The following AGMO variants were observed in gnomAD, a reference collection of about 807,000 sequenced individuals.
The protein encoded by AGMO is alkylglycerol monooxygenase, also known as glyceryl-ether monooxygenase.
A neutral mutation model predicts 60.2 loss-of-function variants in AGMO; 75 were observed. The ratio of observed to expected loss-of-function variants is 1.25; its 90% confidence interval spans 1.03 to 1.51. The LOEUF is 1.51. Ranked by LOEUF, AGMO falls within the 40% of genes most tolerant of loss-of-function variation. AGMO has a pLI of 0.00. For missense variants in AGMO, 763 were observed against 525.5 expected (o/e 1.45, Z -4.42); for synonymous variants, 261 against 177.1 (o/e 1.47, Z -3.76).
intron 3 of AGMO, among the ~76,000 whole-genome samples, chr7:15,467,511 CA>C (rs553388884): frequency 7.2e-5 from 11 of 152,218 alleles, no homozygotes; most frequent in African/African-American, 2.2e-4. Context: ...TTCCACAAAA[CA>C]AAATCAAAAG....
intron 3 of AGMO, among the ~76,000 whole-genome samples, chr7:15,433,533 G>C (rs1040065432): frequency 1.3e-5 from 2 of 152,046 alleles, no homozygotes; most frequent in Non-Finnish European, 2.9e-5. Context: ...GCATTTTATG[G>C]AAAGTTATTC....
chr7:15,336,778 A>G (rs1349873511), intron 12 of AGMO, among the ~76,000 whole-genome samples: 1 of 151,766 alleles, frequency 6.6e-6, no homozygotes, highest in African/African-American at 2.4e-5. Context: ...TAATAATTAC[A>G]TGATTTAAAA....
chr7:15,134,502 G>T, the AGMO span, among the ~76,000 whole-genome samples: 1 of 152,032 alleles, frequency 6.6e-6, no homozygotes, highest in African/African-American at 2.4e-5. Flanking sequence ...CCTTCCTTTT[G>T]CCCATGTGCA....
chr7:15,203,860 C>T (rs1464594175), intron 12 of AGMO, among the ~76,000 whole-genome samples: 5 of 152,100 alleles, frequency 3.3e-5, no homozygotes, highest in Non-Finnish European at 7.4e-5. Flanking sequence ...AGAATATGAA[C>T]ATCCATAGTG....
At chr7:15,383,420 A>G (rs553818893) in intron 10 of AGMO, among the ~76,000 whole-genome samples, 3 of 152,132 alleles carry the variant, frequency 2.0e-5, no homozygotes, top group Non-Finnish European at 4.4e-5. Flanking sequence ...TATACAATAA[A>G]AAAACAATAA....
chr7:15,404,832 C>T (rs572702352), intron 5 of AGMO, among the ~76,000 whole-genome samples: 5 of 151,982 alleles, frequency 3.3e-5, no homozygotes, highest in East Asian at 1.9e-4. Flanking sequence ...ATGTGCCTGA[C>T]ATCATCTGAG....
chr7:15,470,155 G>A (rs952479373), intron 3 of AGMO, among the ~76,000 whole-genome samples: 4 of 151,974 alleles, frequency 2.6e-5, no homozygotes, highest in African/African-American at 7.2e-5. Context: ...ATTCAAGAAA[G>A]ATAGCATAGC....
chr7:15,436,113 G>C (rs905042285), intron 3 of AGMO, among the ~76,000 whole-genome samples: 1 of 152,120 alleles, frequency 6.6e-6, no homozygotes, highest in Non-Finnish European at 1.5e-5. Flanking sequence ...TTGCAAAATG[G>C]TAGTGATGCT....
At chr7:15,531,563 C>A (rs10229268) in intron 3 of AGMO, among the ~76,000 whole-genome samples, 1,252 of 17,674 alleles carry the variant, frequency 0.071, 291 homozygotes, top group Non-Finnish European at 0.11. Flanking sequence ...TATATATTCT[C>A]TATATATTCC....
At chr7:15,262,249 A>G (rs1169012124) in intron 12 of AGMO, among the ~76,000 whole-genome samples, 1 of 152,116 alleles carries the variant, frequency 6.6e-6, no homozygotes, top group Non-Finnish European at 1.5e-5. Context: ...TCATCCAAAA[A>G]GCTCCTAGAA....
chr7:15,288,682 A>T (rs927047827), intron 12 of AGMO, among the ~76,000 whole-genome samples: 2 of 151,910 alleles, frequency 1.3e-5, no homozygotes, highest in Non-Finnish European at 2.9e-5. Flanking sequence ...TTTTCAGTTT[A>T]ATTTTAATCA....
the AGMO span, among the ~76,000 whole-genome samples, chr7:15,176,086 T>G: frequency 1.3e-5 from 2 of 152,048 alleles, no homozygotes; most frequent in Non-Finnish European, 2.9e-5. Context: ...TTTTTAAAAT[T>G]GCTATCATTA....
chr7:15,503,010 C>A (rs1321753315), intron 3 of AGMO, among the ~76,000 whole-genome samples: 1 of 152,028 alleles, frequency 6.6e-6, no homozygotes, highest in Non-Finnish European at 1.5e-5. Flanking sequence ...CTCAAGGCCA[C>A]CATTACTGGT....
At chr7:15,126,550 A>G in the AGMO span, among the ~76,000 whole-genome samples, 1 of 152,086 alleles carries the variant, frequency 6.6e-6, no homozygotes, top group Admixed American at 6.6e-5. Context: ...TGATTTTTTT[A>G]TAATCTTGCC....
chr7:15,561,437 C>T (rs542875298), intron 1 of AGMO, among the ~76,000 whole-genome samples: 1 of 152,296 alleles, frequency 6.6e-6, no homozygotes, highest in East Asian at 1.9e-4. Flanking sequence ...CCAATAGCTA[C>T]ATTTACAATG....
chr7:15,328,597 T>C (rs1465665997), intron 12 of AGMO, among the ~76,000 whole-genome samples: 1 of 152,188 alleles, frequency 6.6e-6, no homozygotes, highest in African/African-American at 2.4e-5. Context: ...TATTTTGCTA[T>C]GCCTCATGCC....
the AGMO span, among the ~76,000 whole-genome samples, chr7:15,131,157 C>T: frequency 3.4e-3 from 515 of 152,156 alleles, 1 homozygote; most frequent in South Asian, 0.013. Context: ...ATAGGAGTCT[C>T]GGTTTAAACA....
At chr7:15,267,829 G>A (rs907979436) in intron 12 of AGMO, among the ~76,000 whole-genome samples, 7 of 151,846 alleles carry the variant, frequency 4.6e-5, no homozygotes, top group African/African-American at 1.7e-4. Context: ...CTAAAGCAGA[G>A]TATTTCAAGA....
downstream of AGMO, among the ~76,000 whole-genome samples, chr7:15,195,412 A>G (rs2115456547): frequency 6.6e-6 from 1 of 152,320 alleles, no homozygotes; most frequent in African/African-American, 2.4e-5. Flanking sequence ...TTGAGGAGGT[A>G]GTGCCTGATT....
Sources: gnomAD v4.1 joint callset for allele counts (sites outside exome capture counted in the v4.1 genomes callset) on GRCh38, gnomAD v4.1.1 for gene constraint, MANE v1.5 for transcripts, NCBI Gene and HGNC (gene_info 2026-07-23, HGNC 2026-07-21) for gene names.